The following ADGRV1 variants were observed in gnomAD, a reference collection of about 807,000 sequenced individuals.
The protein encoded by ADGRV1 is adhesion G protein-coupled receptor V1.
A neutral mutation model predicts 596.2 loss-of-function variants in ADGRV1; 359 were observed. That is an observed-to-expected ratio of 0.60 (90% CI 0.55 to 0.66). The LOEUF is 0.66. Among genes scored for constraint, ADGRV1 ranks in the 30% least tolerant of loss-of-function variants. The pLI, the probability that ADGRV1 is intolerant of heterozygous loss-of-function variation, is 0.00. For synonymous variants in ADGRV1, 2,681 were observed against 2,679.2 expected (o/e 1.00, Z -0.02); for missense variants, 7,274 against 7,575.6 (o/e 0.96, Z 1.48).
chr5:90,925,136 A>C (rs1376552470), intron 83 of ADGRV1, among the ~76,000 whole-genome samples: 2 of 152,104 alleles, frequency 1.3e-5, no homozygotes, highest in Non-Finnish European at 2.9e-5. Flanking sequence ...TTCCATACTA[A>C]CTTTAAAGTA....
intron 85 of ADGRV1, among the ~76,000 whole-genome samples, chr5:90,986,871 G>A (rs796252355): frequency 2.3e-4 from 35 of 152,250 alleles, no homozygotes; most frequent in African/African-American, 7.7e-4. Context: ...GAAGCAAGCC[G>A]TGGTGGCTAG....
chr5:90,953,919 C>T (rs1447221776), intron 83 of ADGRV1, among the ~76,000 whole-genome samples: 1 of 151,764 alleles, frequency 6.6e-6, no homozygotes, highest in Non-Finnish European at 1.5e-5. Flanking sequence ...CTTTAAAAAC[C>T]TGTAGGCATG....
intron 1 of ADGRV1, among the ~76,000 whole-genome samples, chr5:90,591,444 A>T (rs1340944432): frequency 6.6e-6 from 1 of 152,134 alleles, no homozygotes; most frequent in Non-Finnish European, 1.5e-5. Flanking sequence ...ATCACTTCTG[A>T]AATTATGTAA....
rs1324531285 is a variant in ADGRV1 at position 90,853,531 on chromosome 5, A to G, written c.17452A>G (p.Lys5818Glu). 1.9e-6 allele frequency: 3 copies of G among 1,608,274 alleles called. No homozygotes were observed. In the African/African-American group the frequency reaches 4.0e-5, roughly 21 times the overall value. The change falls in exon 80 of 90, where the codon AAG becomes GAG. Residue 5818 changes from lysine to glutamate, a missense_variant and splice_region_variant. This residue lies in a region of ADGRV1 where 1,874 missense variants were observed against 1,970.2 expected (regional missense o/e 0.95). Coordinates refer to ENST00000405460, the MANE Select transcript of ADGRV1 (RefSeq NM_032119.4). ...AAACAATCTTCCTACCCTAAAAAAT[A>G]AGGTAATCTTTCATTCAAAACACTT... ...SGNNLPTLKN[K>E]VLSLSVKGQS...
intron 50 of ADGRV1, among the ~76,000 whole-genome samples, chr5:90,742,632 C>T (rs538774113): frequency 9.2e-5 from 14 of 152,054 alleles, no homozygotes; most frequent in Non-Finnish European, 1.8e-4. Context: ...TGTGTGCGCA[C>T]GGGTGTGCAT....
intron 59 of ADGRV1, among the ~76,000 whole-genome samples, chr5:90,769,317 T>C (rs1483013531): frequency 2.0e-5 from 3 of 152,176 alleles, no homozygotes; most frequent in African/African-American, 7.2e-5. Context: ...CATTCCTGTT[T>C]CCTTCCTGCC....
intron 59 of ADGRV1, among the ~76,000 whole-genome samples, chr5:90,771,977 A>G (rs1371207932): frequency 1.3e-5 from 2 of 152,076 alleles, no homozygotes; most frequent in Non-Finnish European, 2.9e-5. Context: ...TTTCGTAACC[A>G]TTGGCTGGGA....
intron 70 of ADGRV1, among the ~76,000 whole-genome samples, chr5:90,799,155 C>T (rs1006377429): frequency 1.3e-5 from 2 of 152,202 alleles, no homozygotes; most frequent in African/African-American, 4.8e-5. Flanking sequence ...TTGCAGATGA[C>T]ATGATTGTAT....
In ADGRV1 at chr5:91,027,473, T is replaced by C. The variant is rs148940310; in HGVS notation, c.18152+41951T>C. On this transcript the variant is annotated intron_variant, in intron 85 of 89. Transcript: ENST00000405460. ...AAGGCCAGCCCAGAACATTGAAAGATATGGAAACAGCATAAGAAGGAAAGT... is the reference window on the plus strand; with the variant it reads ...AAGGCCAGCCCAGAACATTGAAAGACATGGAAACAGCATAAGAAGGAAAGT... Among the ~76,000 whole-genome samples the C allele has an allele frequency of 3.0e-3, 450 of 152,108 alleles. 3 individuals are homozygous for C. The highest frequency in any genetic ancestry group is 0.01 in the African/African-American group (415 of 41,490).
chr5:90,935,455 T>G (rs1775598924), intron 83 of ADGRV1, among the ~76,000 whole-genome samples: 1 of 152,218 alleles, frequency 6.6e-6, no homozygotes, highest in African/African-American at 2.4e-5. Context: ...CTGACTGGTA[T>G]CAGCTGGCAG....
Position 90,810,594 on chromosome 5 carries a change from C to T in ADGRV1, c.15334C>T (p.Arg5112Cys), listed in dbSNP as rs372400654. Residue 5112 changes from arginine (R) to cysteine (C), a missense_variant, in exon 74 of 90, where the codon CGC becomes TGC. By Grantham distance (180) the Arg-to-Cys change is radical. This residue lies in a region of ADGRV1 where 1,874 missense variants were observed against 1,970.2 expected (regional missense o/e 0.95). Coordinates refer to ENST00000405460, the MANE Select transcript of ADGRV1 (RefSeq NM_032119.4). ...LQKFDVNWSP[R>C]LNLDFSVAVI... ...AAAGTTTGATGTTAATTGGAGCCCA[C>T]GCCTGAATCTAGATTTCAGTGTTGC... is the stretch of plus-strand genomic sequence containing the variant. 5.3e-5 allele frequency: 86 copies of T among 1,613,952 alleles called. No homozygotes were observed. The East Asian group carries it at 5.6e-4, about 10-fold the overall frequency.
chr5:91,140,851 T>G (rs150553329), intron 87 of ADGRV1, among the ~76,000 whole-genome samples: 4 of 152,300 alleles, frequency 2.6e-5, no homozygotes, highest in Non-Finnish European at 4.4e-5. Context: ...CTTTGAAACT[T>G]AACAGAATCA....
chr5:91,163,682 A>G, intron 89 of ADGRV1, 100 bp from the exon 90 acceptor site: 1 of 555,338 alleles, frequency 1.8e-6, no homozygotes, highest in Middle Eastern at 3.3e-4. Flanking sequence ...TTTTACTAAT[A>G]TAATAGAAAT....
Position 90,878,505 on chromosome 5 carries a change from G to C in ADGRV1, c.17856+14648G>C, listed in dbSNP as rs1227840389. The stretch of plus-strand genomic sequence containing the variant: ...CTAGAATGCTGTTTTGTATGTTTGT[G>C]ATTCCCGAAACAGTCACCCAGCATC... On this transcript the variant is annotated intron_variant, in intron 83 of 89. Transcript: ENST00000405460. Among the ~76,000 whole-genome samples, 3 of 152,186 alleles carry C rather than the reference G, an allele frequency of 2.0e-5. No individual in the cohort carries two copies. In the East Asian group the frequency reaches 5.8e-4, roughly 29 times the overall value.
intron 84 of ADGRV1, among the ~76,000 whole-genome samples, chr5:90,975,856 T>TA (rs11291279): frequency 9.3e-5 from 14 of 150,014 alleles, no homozygotes; most frequent in Admixed American, 2.7e-4. Flanking sequence ...AGTATAATAA[T>TA]AAAAAAAAAA....
chr5:90,608,910 A>G (rs947913835), intron 1 of ADGRV1, among the ~76,000 whole-genome samples: 3 of 152,130 alleles, frequency 2.0e-5, no homozygotes, highest in South Asian at 2.1e-4. Flanking sequence ...AATTGTGTCA[A>G]CTATTCCCCA....
intron 34 of ADGRV1, among the ~76,000 whole-genome samples, chr5:90,703,412 A>G (rs1561557394): frequency 6.6e-6 from 1 of 152,090 alleles, no homozygotes; most frequent in Non-Finnish European, 1.5e-5. Flanking sequence ...TGTGTTTCCC[A>G]TTTTAGCATG....
At chr5:90,597,026 T>G (rs1215113677) in intron 1 of ADGRV1, among the ~76,000 whole-genome samples, 1 of 152,236 alleles carries the variant, frequency 6.6e-6, no homozygotes, top group African/African-American at 2.4e-5. Context: ...CTTCACTATG[T>G]GGACACAGGA....
At chr5:90,894,850 TC>T (rs1771152161) in intron 83 of ADGRV1, among the ~76,000 whole-genome samples, 1 of 152,242 alleles carries the variant, frequency 6.6e-6, no homozygotes, top group Non-Finnish European at 1.5e-5. Context: ...CTAAGTCTGG[TC>T]CTTAAGTCAA....
Sources: gnomAD v4.1 joint callset for allele counts (sites outside exome capture counted in the v4.1 genomes callset) on GRCh38, gnomAD v4.1.1 for gene constraint, gnomAD v4.1.1 regional missense constraint, MANE v1.5 for transcripts, NCBI Gene and HGNC (gene_info 2026-07-23, HGNC 2026-07-21) for gene names.